Variants in SLC22A15 observed in about 807,000 individuals in gnomAD.
SLC22A15 encodes the protein flipt 1.
In SLC22A15, 45 loss-of-function variants were observed where a neutral mutation model predicts 62.7. That is an observed-to-expected ratio of 0.72 (90% confidence interval 0.56 to 0.92). The LOEUF (loss-of-function observed/expected upper bound fraction) is 0.92. SLC22A15 is among the 40% of genes least tolerant of loss of function. The pLI, the probability that SLC22A15 is intolerant of heterozygous loss-of-function variation, is 0.00. For synonymous variants in SLC22A15, 264 were observed against 267.0 expected, an observed-to-expected ratio of 0.99 and a Z score of 0.11; for missense variants, 622 against 665.6, an observed-to-expected ratio of 0.93 and a Z score of 0.72.
At position 116,043,157 on chromosome 1, in the gene SLC22A15, T is replaced by C. The variant is rs891576043; in HGVS notation, c.1171+5769T>C. On this transcript the variant is annotated intron_variant, in intron 8 of 11. Transcript: ENST00000369503. ...ATACTGTATCAGCCCGGCACAGTGGTTCATGCCTGTAATCCCAGCACTTTG... is the reference window on the plus strand; with the variant it reads ...ATACTGTATCAGCCCGGCACAGTGGCTCATGCCTGTAATCCCAGCACTTTG... Among the ~76,000 whole-genome samples the C allele has an allele frequency of 2.6e-5, 4 of 152,158 alleles. No individual in the cohort carries two copies. The East Asian group carries it at 7.7e-4, about 29-fold the overall frequency.
intron 2 of SLC22A15, among the ~76,000 whole-genome samples, chr1:116,000,400 C>T (rs896107906): frequency 2.6e-5 from 4 of 151,988 alleles, no homozygotes; most frequent in African/African-American, 9.7e-5. Flanking sequence ...AGCTTCATCC[C>T]CTTGCTTTTT....
intron 8 of SLC22A15, among the ~76,000 whole-genome samples, chr1:116,040,776 C>T (rs977450396): frequency 1.3e-5 from 2 of 152,074 alleles, no homozygotes; most frequent in African/African-American, 4.8e-5. Context: ...GCCAGCCATG[C>T]CAGGCTAATT....
rs916026600 is a variant in SLC22A15, at chr1:116,001,904, A to G, written c.300+9661A>G. The stretch of plus-strand genomic sequence containing the variant: ...TCTCGATGCCTGTGGATGTTCGTCA[A>G]TGCCTGAACATTGAAGAGTTAGGTA... On this transcript the variant is annotated intron_variant, in intron 2 of 11. Coordinates refer to ENST00000369503, the MANE Select transcript of SLC22A15 (RefSeq NM_018420.3). Among the ~76,000 whole-genome samples the G allele has an allele frequency of 6.6e-5, 10 of 152,168 alleles. No homozygotes were observed. In the East Asian group the frequency reaches 1.3e-3, roughly 20 times the overall value.
chr1:115,993,428 A>AGTGT (rs762008398), intron 2 of SLC22A15, among the ~76,000 whole-genome samples: 4,007 of 143,424 alleles, frequency 0.028, 77 homozygotes, highest in African/African-American at 0.053. Context: ...AGTGTGTGAG[A>AGTGT]GTGTGTGTGT....
In SLC22A15 at chr1:115,977,154, G is replaced by T. The variant is rs190035063; in HGVS notation, c.87+440G>T. 6.6e-5 allele frequency among the ~76,000 whole-genome samples: 10 copies of T among 152,296 alleles called. No homozygotes were observed. The South Asian group carries it at 2.1e-3, about 32-fold the overall frequency. On this transcript the variant is annotated intron_variant, in intron 1 of 11. Coordinates refer to ENST00000369503, the MANE Select transcript of SLC22A15 (RefSeq NM_018420.3). The stretch of plus-strand genomic sequence containing the variant: ...AGTCTTGATAATCTGCAGACAAAAG[G>T]TTGTGTCTAGGATCGCCTCCCTCTG...
intron 2 of SLC22A15, chr1:116,014,179 T>C (rs1656414591): frequency 6.6e-6 from 1 of 152,268 alleles, no homozygotes; most frequent in Non-Finnish European, 1.5e-5. Flanking sequence ...CCTTCACTTC[T>C]GTTCACCTAG....
At chr1:116,041,781 A>T (rs1348879837) in intron 8 of SLC22A15, among the ~76,000 whole-genome samples, 1 of 152,172 alleles carries the variant, frequency 6.6e-6, no homozygotes. Context: ...TTGAGCATGC[A>T]TTTGAAGAAA....
chr1:116,019,542 T>C, intron 2 of SLC22A15, 40 bp from the exon 3 acceptor site: 1 of 1,553,840 alleles, frequency 6.4e-7, no homozygotes, highest in Non-Finnish European at 8.6e-7. Flanking sequence ...AATAGCTAAC[T>C]GAATCCTACA....
intron 8 of SLC22A15, among the ~76,000 whole-genome samples, chr1:116,055,924 C>A (rs1438851250): frequency 6.8e-6 from 1 of 148,056 alleles, no homozygotes; most frequent in Non-Finnish European, 1.5e-5. Flanking sequence ...TAAGAGCTAT[C>A]TATGACAAAC....
intron 4 of SLC22A15, among the ~76,000 whole-genome samples, chr1:116,022,359 G>T (rs1656876452): frequency 6.6e-6 from 1 of 151,964 alleles, no homozygotes; most frequent in African/African-American, 2.4e-5. Flanking sequence ...TAATGATGGT[G>T]ATCATGCCTG....
intron 8 of SLC22A15, 197 bp downstream of exon 8, chr1:116,037,585 A>C (rs1346927027): frequency 1.2e-5 from 6 of 512,124 alleles, no homozygotes; most frequent in Middle Eastern, 5.1e-4. Flanking sequence ...GTAGAGGTGC[A>C]CTATTAATTC....
At chr1:116,041,184 A>C (rs1464370535) in intron 8 of SLC22A15, among the ~76,000 whole-genome samples, 1 of 152,114 alleles carries the variant, frequency 6.6e-6, no homozygotes, top group Non-Finnish European at 1.5e-5. Context: ...CCCTAGTGGA[A>C]CCTTCATATC....
intron 8 of SLC22A15, among the ~76,000 whole-genome samples, chr1:116,052,354 C>T (rs1339877526): frequency 5.3e-5 from 8 of 152,214 alleles, no homozygotes; most frequent in African/African-American, 1.2e-4. Flanking sequence ...GAGGGGCGCC[C>T]GCCATTGCCC....
At chr1:116,016,178 C>A (rs755821821) in intron 2 of SLC22A15, among the ~76,000 whole-genome samples, 13 of 147,196 alleles carry the variant, frequency 8.8e-5, no homozygotes, top group Non-Finnish European at 1.9e-4. Flanking sequence ...CTGTTCCCCT[C>A]CCCTCCTTTC....
At chr1:116,002,787 A>G (rs1258313138) in intron 2 of SLC22A15, among the ~76,000 whole-genome samples, 1 of 152,062 alleles carries the variant, frequency 6.6e-6, no homozygotes, top group Non-Finnish European at 1.5e-5. Context: ...AATTCCATGT[A>G]GGAGCCAAGG....
intron 2 of SLC22A15, among the ~76,000 whole-genome samples, chr1:116,000,399 C>G (rs1033433175): frequency 6.6e-5 from 10 of 151,906 alleles, no homozygotes; most frequent in African/African-American, 2.2e-4. Context: ...TAGCTTCATC[C>G]CCTTGCTTTT....
chr1:116,063,047 TCTGC>T (rs1467731206), intron 9 of SLC22A15, among the ~76,000 whole-genome samples, 165 bp downstream of exon 9: 2 of 152,242 alleles, frequency 1.3e-5, no homozygotes, highest in African/African-American at 4.8e-5. Context: ...CAGACTGCTC[TCTGC>T]CTGCTCTGCT....
chr1:116,031,774 A>G (rs1657414413), intron 6 of SLC22A15, 193 bp downstream of exon 6: 18 of 1,423,944 alleles, frequency 1.3e-5, no homozygotes, highest in Non-Finnish European at 1.6e-5. Flanking sequence ...CTCAAGTAGC[A>G]GATGATAGTG....
At chr1:115,996,052 C>T (rs1314111882) in intron 2 of SLC22A15, among the ~76,000 whole-genome samples, 1 of 152,188 alleles carries the variant, frequency 6.6e-6, no homozygotes, top group Non-Finnish European at 1.5e-5. Flanking sequence ...TTCCTCCCAT[C>T]CCTTACCCTT....
Sources: allele counts gnomAD v4.1 joint callset (sites outside exome capture counted in the v4.1 genomes callset), GRCh38; gene constraint gnomAD v4.1.1; transcripts MANE v1.5; gene names NCBI Gene and HGNC (gene_info 2026-07-23, HGNC 2026-07-21).